COX17: variants seen among roughly 807,000 people sequenced by gnomAD.
COX17 encodes the protein cytochrome c oxidase copper chaperone.
COX17 carries 1 observed loss-of-function variant against 6.3 expected under a neutral mutation model. That is an observed-to-expected ratio of 0.16 (90% confidence interval 0.06 to 0.75). The LOEUF is 0.75. Among genes scored for constraint, COX17 ranks in the 30% least tolerant of loss-of-function variants. COX17 has a pLI of 0.77. For missense variants in COX17, 73 were observed against 81.2 expected (o/e 0.90, Z 0.39); for synonymous variants, 26 against 30.5 (o/e 0.85, Z 0.49).
At chr3:119,666,531 G>C (rs2052994034), downstream of COX17, among the ~76,000 whole-genome samples, 1 of 152,174 alleles carries the variant, frequency 6.6e-6, no homozygotes, top group South Asian at 2.1e-4. Flanking sequence ...AATACCTAAA[G>C]AAATAAACGC....
At chr3:119,674,835 T>G in intron 2 of COX17, 1 of 213,710 alleles carries the variant, frequency 4.7e-6, no homozygotes, top group Non-Finnish European at 9.2e-6. Context: ...AGTCCCACAA[T>G]ATTTATTAGA....
At chr3:119,677,053 T>TG in intron 1 of COX17, 151 bp downstream of exon 1, 2 of 338,266 alleles carry the variant, frequency 5.9e-6, no homozygotes, top group Non-Finnish European at 1.0e-5. Context: ...GGAGGAGGAG[T>TG]GGGGGAAGGG....
chr3:119,665,907 T>A, downstream of COX17, among the ~76,000 whole-genome samples: 1 of 152,222 alleles, frequency 6.6e-6, no homozygotes, highest in Non-Finnish European at 1.5e-5. Flanking sequence ...AAACTGAACA[T>A]CAGAATTATT....
chr3:119,676,354 T>A (rs1309763891), intron 1 of COX17, among the ~76,000 whole-genome samples: 1 of 152,226 alleles, frequency 6.6e-6, no homozygotes, highest in Non-Finnish European at 1.5e-5. Flanking sequence ...ACTCTTATTA[T>A]CCCATTATAC....
At chr3:119,673,260 T>C (rs1339512507) in intron 2 of COX17, among the ~76,000 whole-genome samples, 2 of 152,156 alleles carry the variant, frequency 1.3e-5, no homozygotes, top group African/African-American at 4.8e-5. Flanking sequence ...TTAACAATCC[T>C]CCATTAAGCA....
chr3:119,675,678 A>ACG, intron 1 of COX17: 1 of 154,632 alleles, frequency 6.5e-6, no homozygotes, highest in African/African-American at 2.4e-5. Context: ...AACATCTGGT[A>ACG]GCCAGGAGAC....
downstream of COX17, among the ~76,000 whole-genome samples, chr3:119,664,765 A>T (rs2052978584): frequency 6.6e-6 from 1 of 152,206 alleles, no homozygotes; most frequent in African/African-American, 2.4e-5. Flanking sequence ...ACTAACAAAA[A>T]TTCTGGGTTT....
intron 2 of COX17, among the ~76,000 whole-genome samples, chr3:119,671,650 A>G (rs2053045160): frequency 6.6e-6 from 1 of 152,250 alleles, no homozygotes; most frequent in African/African-American, 2.4e-5. Flanking sequence ...CTTTCTAATT[A>G]GCATTCATAA....
At chr3:119,667,714 CACACACACACACACAG>C (rs1167986663), downstream of COX17, among the ~76,000 whole-genome samples, 138 of 114,820 alleles carry the variant, frequency 1.2e-3, no homozygotes, top group Non-Finnish European at 2.3e-3. Context: ...CACACACACA[CACACACACACACACAG>C]AGAGAGAGAG....
At chr3:119,668,146 AATTTT>A (rs1029640887), downstream of COX17, among the ~76,000 whole-genome samples, 17 of 152,302 alleles carry the variant, frequency 1.1e-4, no homozygotes, top group African/African-American at 3.4e-4. Context: ...ATAGAAAAAA[AATTTT>A]ATTTTGTTTT....
intron 1 of COX17, 49 bp from the exon 2 acceptor site, chr3:119,675,282 T>C: frequency 7.7e-7 from 1 of 1,304,658 alleles, no homozygotes; most frequent in East Asian, 2.3e-5. Context: ...AAGCACATTA[T>C]TAAGTATGCA....
chr3:119,667,898 C>T (rs541679142), downstream of COX17, among the ~76,000 whole-genome samples: 2 of 152,142 alleles, frequency 1.3e-5, no homozygotes, highest in South Asian at 2.1e-4. Context: ...CAGACTGAGA[C>T]CCAATTCCTA....
intron 1 of COX17, 133 bp downstream of exon 1, chr3:119,677,071 A>AAGAGGGC (rs1242476950): frequency 2.2e-5 from 15 of 689,462 alleles, no homozygotes; most frequent in African/African-American, 1.1e-4. Context: ...GGGGGGAAGG[A>AAGAGGGC]AGAGGGCAGA....
intron 2 of COX17, among the ~76,000 whole-genome samples, chr3:119,672,455 A>T (rs942755044): frequency 4.6e-5 from 7 of 152,080 alleles, no homozygotes; most frequent in Non-Finnish European, 4.4e-5. Context: ...TAAAATTAGC[A>T]TTTCTTTTTA....
intron 1 of COX17, 138 bp from the exon 2 acceptor site, chr3:119,675,371 C>T: frequency 1.6e-6 from 1 of 627,618 alleles, no homozygotes; most frequent in Non-Finnish European, 2.8e-6. Flanking sequence ...TTACCTCAAA[C>T]AGCTTTGTTT....
rs1479131847 is a variant in COX17 at position 119,669,594 on chromosome 3, A to C, written c.*76T>G. ...TTATAAATACTTTTTCCACATATCA[A>C]AGTTCGTCAAAGAACTCCCAAAATT... On this transcript the variant is annotated 3_prime_UTR_variant, in exon 3 of 3. Transcript: ENST00000261070. The C allele has an allele frequency of 1.3e-5, 2 of 152,244 alleles. No homozygotes were observed. Among genetic ancestry groups the C allele is most frequent in the Non-Finnish European group, 2.9e-5 (2 of 68,022 alleles). The allele number at this position is 152,244 out of a possible 1,614,324, so 9.4% of individuals were successfully genotyped here.
chr3:119,675,343 G>C, intron 1 of COX17, 110 bp from the exon 2 acceptor site: 1 of 735,564 alleles, frequency 1.4e-6, no homozygotes, highest in South Asian at 1.6e-5. Flanking sequence ...AATGTAGCTG[G>C]AATTAAAACA....
downstream of COX17, among the ~76,000 whole-genome samples, chr3:119,667,294 G>A (rs979231764): frequency 2.6e-5 from 4 of 152,082 alleles, no homozygotes; most frequent in Non-Finnish European, 4.4e-5. Flanking sequence ...CATTATTACC[G>A]AAATGCTGTA....
chr3:119,675,036 G>T, intron 2 of COX17, 109 bp downstream of exon 2: 1 of 735,606 alleles, frequency 1.4e-6, no homozygotes, highest in Admixed American at 2.5e-5. Context: ...TTTTCAAATT[G>T]ATACTTAAGC....
Sources: allele counts gnomAD v4.1 joint callset (sites outside exome capture counted in the v4.1 genomes callset), GRCh38; gene constraint gnomAD v4.1.1; transcripts MANE v1.5; gene names NCBI Gene and HGNC (gene_info 2026-07-23, HGNC 2026-07-21).